Variants in FLT4 observed in about 807,000 individuals in gnomAD.
FLT4 encodes the protein vascular endothelial growth factor receptor 3.
Under a neutral mutation model 163.2 loss-of-function variants are expected in FLT4, and 30 were observed. The ratio of observed to expected loss-of-function variants is 0.18; its 90% CI spans 0.14 to 0.25. FLT4 has a LOEUF of 0.25. FLT4 is among the 10% of genes least tolerant of loss of function. FLT4 has a pLI of 1.00. For missense variants in FLT4, 1,510 were observed against 1,863.8 expected (o/e 0.81, Z 3.50); for synonymous variants, 884 against 789.5 (o/e 1.12, Z -2.01).
chr5:180,631,869 A>G (rs1764194842), intron 1 of FLT4, 91 bp from the exon 2 acceptor site: 1 of 883,626 alleles, frequency 1.1e-6, no homozygotes, highest in East Asian at 2.5e-5. Context: ...TCGCAAGCGC[A>G]GACCCCTGCA....
At chr5:180,621,292 C>T in intron 13 of FLT4, 40 bp from the exon 14 acceptor site, 2 of 1,594,576 alleles carry the variant, frequency 1.3e-6, no homozygotes, top group Non-Finnish European at 8.6e-7. Flanking sequence ...TGGAGCTGCA[C>T]TTAGCAGGAG....
At chr5:180,609,150 G>A (rs972022639) in intron 28 of FLT4, 97 bp from the exon 29 acceptor site, 41 of 974,542 alleles carry the variant, frequency 4.2e-5, no homozygotes, top group Middle Eastern at 2.1e-4. Flanking sequence ...GTCCTGCAGC[G>A]CGGCTGACCT....
chr5:180,624,207 G>A (rs546940060), intron 10 of FLT4, 146 bp from the exon 11 acceptor site: 1 of 755,158 alleles, frequency 1.3e-6, no homozygotes, highest in East Asian at 2.8e-5. Context: ...GGGTGAGGGA[G>A]ATGGGAAGGG....
intron 6 of FLT4, 112 bp downstream of exon 6, chr5:180,629,584 G>A: frequency 1.4e-6 from 2 of 1,473,754 alleles, no homozygotes; most frequent in Non-Finnish European, 9.3e-7. Flanking sequence ...TCAGACCGGG[G>A]CCCCTGGGGC....
intron 8 of FLT4, 114 bp downstream of exon 8, chr5:180,628,768 G>T (rs1372911112): frequency 4.0e-6 from 3 of 747,732 alleles, no homozygotes; most frequent in Non-Finnish European, 6.9e-6. Flanking sequence ...GCCATGCCTG[G>T]TCTCCGTGTG....
intron 28 of FLT4, chr5:180,609,561 G>A (rs907304651): frequency 2.6e-6 from 1 of 379,336 alleles, no homozygotes; most frequent in Non-Finnish European, 5.0e-6. Flanking sequence ...GGTCCCTGTG[G>A]TCTGGCCAAG....
At chr5:180,604,543 G>A (rs1360358792) in intron 29 of FLT4, among the ~76,000 whole-genome samples, 1 of 152,024 alleles carries the variant, frequency 6.6e-6, no homozygotes, top group Non-Finnish European at 1.5e-5. Context: ...TTCTCCTCCT[G>A]ACACGCCCTC....
At chr5:180,608,697 G>A (rs769225462) in intron 29 of FLT4, among the ~76,000 whole-genome samples, 5 of 152,120 alleles carry the variant, frequency 3.3e-5, no homozygotes, top group Non-Finnish European at 7.4e-5. Flanking sequence ...GGTTACGTGT[G>A]GTGTCAGAAA....
At chr5:180,609,521 T>C in intron 28 of FLT4, 1 of 352,564 alleles carries the variant, frequency 2.8e-6, no homozygotes, top group South Asian at 2.9e-5. Flanking sequence ...TCCCCCAACA[T>C]CTCCAAGTGG....
At chr5:180,609,099 T>A in intron 28 of FLT4, 46 bp from the exon 29 acceptor site, 1 of 1,540,640 alleles carries the variant, frequency 6.5e-7, no homozygotes, top group Non-Finnish European at 9.0e-7. Context: ...CCTGAGGCCC[T>A]CCTGCAGGGC....
At chr5:180,649,969 T>C (rs116408400), upstream of FLT4, among the ~76,000 whole-genome samples, 502 of 151,556 alleles carry the variant, frequency 3.3e-3, 5 homozygotes, top group African/African-American at 0.012. Flanking sequence ...TCTTTGAAAA[T>C]AGTGGCACCA....
intron 29 of FLT4, among the ~76,000 whole-genome samples, chr5:180,605,427 G>A (rs545000248): frequency 5.3e-5 from 8 of 152,186 alleles, no homozygotes; most frequent in Admixed American, 1.3e-4. Flanking sequence ...CATTTTGCTC[G>A]TTTTCCTGTT....
At chr5:180,603,872 C>G (rs1328855878) in intron 29 of FLT4, among the ~76,000 whole-genome samples, 1 of 151,614 alleles carries the variant, frequency 6.6e-6, no homozygotes, top group South Asian at 2.1e-4. Flanking sequence ...CCACTGCACT[C>G]CAGCCTGGGC....
intron 29 of FLT4, chr5:180,608,392 T>C: frequency 1.4e-6 from 1 of 697,118 alleles, no homozygotes; most frequent in South Asian, 1.5e-5. Flanking sequence ...ATGCAATAAA[T>C]ATCAGCGTGC....
chr5:180,612,533 C>T lies in FLT4; in HGVS notation c.3510G>A (p.Gly1170=), dbSNP rs1308855195. 3.1e-6 allele frequency: 5 copies of T among 1,613,868 alleles called. No homozygotes were observed. Among genetic ancestry groups the T allele is most frequent in the African/African-American group, 2.7e-5 (2 of 75,032 alleles). Residue 1170 remains glycine (G), a synonymous_variant, in exon 26 of 30, where the codon GGG becomes GGA. Transcript: ENST00000261937. ...GCAGGCCCCTGCCCTGGAGCAGGTCCCCCAGGATCTCCACCAGCTCCGAGA... is the reference window on the plus strand; with the variant it reads ...GCAGGCCCCTGCCCTGGAGCAGGTCTCCCAGGATCTCCACCAGCTCCGAGA... ...PAFSELVEIL[G]DLLQGRGLQE... is the part of the protein sequence containing the mutation.
chr5:180,611,581 CCGCCCTCAGCCCT>C, intron 26 of FLT4, 102 bp from the exon 27 acceptor site: 1 of 1,273,988 alleles, frequency 7.8e-7, no homozygotes, highest in East Asian at 2.5e-5. Flanking sequence ...GCCCTCACCC[CCGCCCTCAGCCCT>C]CGCCCCCGCA....
Position 180,622,808 on chromosome 5 carries a change from T to G in FLT4, c.1580A>C (p.Asn527Thr). ...TVSKLVIQNA[N>T]VSAMYKCVVS... ...CACACACTTGTACATGGCAGACACGTTGGCATTCTGGATCACCAGCTTGCT... is the reference window on the plus strand; with the variant it reads ...CACACACTTGTACATGGCAGACACGGTGGCATTCTGGATCACCAGCTTGCT... The change falls in exon 12 of 30, where the codon AAC becomes ACC. Residue 527 changes from asparagine (N) to threonine (T), a missense_variant. This residue lies in a region of FLT4 where 878 missense variants were observed against 1,016.7 expected (regional missense o/e 0.86). Coordinates refer to ENST00000261937, the MANE Select transcript of FLT4 (RefSeq NM_182925.5). 1.9e-6 allele frequency: 3 copies of G among 1,613,508 alleles called. No individual in the cohort carries two copies. Among genetic ancestry groups the G allele is most frequent in the Non-Finnish European group, 1.7e-6 (2 of 1,179,830 alleles).
Position 180,611,395 on chromosome 5 carries a change from G to A in FLT4, c.3622C>T (p.His1208Tyr). The A allele has an allele frequency of 6.2e-7, 1 of 1,614,106 alleles. No individual in the cohort carries two copies. The highest frequency in any genetic ancestry group is 8.5e-7 in the Non-Finnish European group (1 of 1,180,008). Residue 1208 changes from histidine to tyrosine, a missense_variant, in exon 27 of 30, where the codon CAC becomes TAC. By Grantham distance (83) the His-to-Tyr change is moderately conservative (BLOSUM62 2). This residue lies in a region of FLT4 where 295 missense variants were observed against 311.0 expected (regional missense o/e 0.95). Transcript: ENST00000261937. ...TCCTCAGCGTCAGCCTGGGCGATGT[G>A]TAGGGCCATGGTGGACACCTGCGAG... ...SFSQVSTMAL[H>Y]IAQADAEDSP...
Position 180,611,592 on chromosome 5 carries a change from CCTCGCCCCCGCACTCAGCT to C in FLT4, c.3538-132_3538-114del, listed in dbSNP as rs1252838663. 2,324 of 1,178,794 alleles carry C rather than the reference CCTCGCCCCCGCACTCAGCT, an allele frequency of 2.0e-3. 12 individuals are homozygous for C. Among genetic ancestry groups the C allele is most frequent in the African/African-American group, 0.014 (910 of 65,248 alleles). The allele number at this position is 1,178,794 out of a possible 1,614,324, so 73.0% of individuals were successfully genotyped here. On this transcript the variant is annotated intron_variant, in intron 26 of 29. Coordinates refer to ENST00000261937, the MANE Select transcript of FLT4 (RefSeq NM_182925.5). ...CTCAGCCCTCACCCCCGCCCTCAGCCCTCGCCCCCGCACTCAGCTCTCGCCCCCGCCCTCGCCCTGCCCT... is the reference window on the plus strand; with the variant it reads ...CTCAGCCCTCACCCCCGCCCTCAGCCCTCGCCCCCGCCCTCGCCCTGCCCT...
Sources: allele counts gnomAD v4.1 joint callset (sites outside exome capture counted in the v4.1 genomes callset), GRCh38; gene constraint gnomAD v4.1.1; regional missense constraint gnomAD v4.1.1; transcripts MANE v1.5; gene names NCBI Gene and HGNC (gene_info 2026-07-23, HGNC 2026-07-21).